Variants in MCTP1 observed in about 807,000 individuals in gnomAD.
The protein encoded by MCTP1 is multiple C2 and transmembrane domain containing 1.
A neutral mutation model predicts 120.6 loss-of-function variants in MCTP1; 69 were observed. That is an observed-to-expected ratio of 0.57 (90% CI 0.47 to 0.70). The LOEUF (loss-of-function observed/expected upper bound fraction) is 0.70. Ranked by LOEUF, MCTP1 falls within the 30% of genes least tolerant of loss-of-function variation. The pLI is 0.00. For missense variants in MCTP1, 1,203 were observed against 1,248.8 expected (o/e 0.96, Z 0.55); for synonymous variants, 529 against 493.1 (o/e 1.07, Z -0.96).
chr5:94,742,367 CTTTT>C (rs1350624298), intron 19 of MCTP1, among the ~76,000 whole-genome samples: 1 of 152,084 alleles, frequency 6.6e-6, no homozygotes, highest in Non-Finnish European at 1.5e-5. Flanking sequence ...GAATGTATAT[CTTTT>C]TATCAGTTTT....
In MCTP1 at chr5:94,779,127, C is replaced by T. The variant is rs199678582; in HGVS notation, c.2593G>A (p.Asp865Asn). The T allele has an allele frequency of 1.9e-6, 3 of 1,612,890 alleles. No individual in the cohort carries two copies. The highest frequency in any genetic ancestry group is 2.5e-6 in the Non-Finnish European group (3 of 1,179,060). ...ATAATTACCTTGTCATCTTTGTCAT[C>T]TTCTTCTTCCTCGTCCTCTAGCATG... ...EDMLEDEEEE[D>N]DKDDKDSEKK... is the part of the protein sequence containing the mutation. Residue 865 changes from aspartate to asparagine, a missense_variant, in exon 19 of 23, where the codon GAT (aspartate) becomes AAT (asparagine). Asp to Asn is a conservative substitution (Grantham distance 23). This residue lies in a region of MCTP1 where 740 missense variants were observed against 871.1 expected (regional missense o/e 0.85). Coordinates refer to ENST00000515393, the MANE Select transcript of MCTP1 (RefSeq NM_024717.7).
intron 19 of MCTP1, among the ~76,000 whole-genome samples, chr5:94,776,717 C>T (rs1237986171): frequency 1.3e-5 from 2 of 152,136 alleles, no homozygotes; most frequent in African/African-American, 4.8e-5. Flanking sequence ...GCAAAGAACA[C>T]ATTTGTTTTC....
chr5:95,077,434 C>A (rs754644750), intron 1 of MCTP1, among the ~76,000 whole-genome samples: 1 of 151,196 alleles, frequency 6.6e-6, no homozygotes, highest in African/African-American at 2.4e-5. Flanking sequence ...ACACATTTAG[C>A]TTTTGAATCA....
At chr5:95,265,649 T>C (rs1238531224) in intron 1 of MCTP1, among the ~76,000 whole-genome samples, 2 of 152,182 alleles carry the variant, frequency 1.3e-5, no homozygotes. Context: ...AATGAGGTCA[T>C]TAAGCCTCTG....
chr5:94,804,628 T>C (rs541186483), intron 17 of MCTP1, among the ~76,000 whole-genome samples: 2 of 152,032 alleles, frequency 1.3e-5, no homozygotes, highest in Non-Finnish European at 2.9e-5. Context: ...TTAGTAGAGA[T>C]GGGGTTTCAC....
rs142948262 is a variant in MCTP1, at chr5:95,040,121, G to A, written c.721-22637C>T. Among the ~76,000 whole-genome samples, 421 of 152,200 alleles carry A rather than the reference G, an allele frequency of 2.8e-3. 1 individual carries two copies. Among genetic ancestry groups the A allele is most frequent in the African/African-American group, 9.7e-3 (405 of 41,540 alleles). ...GCATGTGAGGTCCCCCCTGCCTGCT[G>A]AAATTGTTCTGCTTCTAACAAATTT... On this transcript the variant is annotated intron_variant, in intron 1 of 22. Transcript: ENST00000515393.
intron 1 of MCTP1, among the ~76,000 whole-genome samples, chr5:95,227,787 A>T (rs575067333): frequency 1.3e-5 from 2 of 152,300 alleles, no homozygotes; most frequent in East Asian, 3.9e-4. Context: ...ATGAATTAAC[A>T]AATTGTTGCT....
Position 95,217,848 on chromosome 5 carries a change from A to T in MCTP1, c.720+66008T>A, listed in dbSNP as rs1377715686. On this transcript the variant is annotated intron_variant, in intron 1 of 22. Transcript: ENST00000515393. Reference sequence around the variant, plus strand: ...TTTTGTACTTGAGGCCCCAGAGCACACTTTTGGATTAAAACCTAACTTGTC... The same window carrying T: ...TTTTGTACTTGAGGCCCCAGAGCACTCTTTTGGATTAAAACCTAACTTGTC... Among the ~76,000 whole-genome samples the T allele has an allele frequency of 2.0e-5, 3 of 152,208 alleles. No individual in the cohort carries two copies. The East Asian group carries it at 5.8e-4, about 29-fold the overall frequency.
intron 19 of MCTP1, among the ~76,000 whole-genome samples, chr5:94,748,500 C>T (rs1767462703): frequency 6.6e-6 from 1 of 152,174 alleles, no homozygotes; most frequent in Admixed American, 6.5e-5. Context: ...CAGGACAAAA[C>T]CCATGATTGC....
chr5:95,038,238 C>T, intron 1 of MCTP1: 1 of 339,144 alleles, frequency 2.9e-6, no homozygotes, highest in Non-Finnish European at 4.2e-6. Flanking sequence ...AAGTATCCTT[C>T]AGTGAATATT....
chr5:94,756,820 C>T (rs1580505255), intron 19 of MCTP1, among the ~76,000 whole-genome samples: 1 of 151,968 alleles, frequency 6.6e-6, no homozygotes, highest in Admixed American at 6.6e-5. Context: ...CAAATGTTTA[C>T]TTTTTGTATA....
chr5:94,986,405 T>C (rs295208), intron 2 of MCTP1, among the ~76,000 whole-genome samples: 129,276 of 152,244 alleles, frequency 0.85, 55,123 homozygotes, highest in African/African-American at 0.92. Flanking sequence ...TCAGTCCTCT[T>C]TTCATAATCT....
chr5:95,255,030 T>C (rs1019140645), intron 1 of MCTP1, among the ~76,000 whole-genome samples: 12 of 152,214 alleles, frequency 7.9e-5, no homozygotes, highest in Non-Finnish European at 1.6e-4. Flanking sequence ...GGTTTTCTTG[T>C]ACATGTGTGT....
chr5:94,709,017 C>A (rs1755761719), intron 21 of MCTP1: 1 of 155,674 alleles, frequency 6.4e-6, no homozygotes, highest in South Asian at 2.0e-4. Context: ...AAAGATGCAC[C>A]TTTTTGGAGG....
intron 1 of MCTP1, among the ~76,000 whole-genome samples, chr5:95,245,751 G>T (rs750377220): frequency 2.0e-5 from 3 of 152,102 alleles, no homozygotes; most frequent in Non-Finnish European, 2.9e-5. Context: ...GCTAGAAAAC[G>T]CTCTTCAGGA....
chr5:94,807,904 T>A (rs1389218154), intron 17 of MCTP1, among the ~76,000 whole-genome samples: 1 of 152,188 alleles, frequency 6.6e-6, no homozygotes, highest in African/African-American at 2.4e-5. Flanking sequence ...TATATGTGTA[T>A]ATACAAGTGT....
intron 19 of MCTP1, among the ~76,000 whole-genome samples, chr5:94,723,579 T>C (rs926375180): frequency 2.0e-5 from 3 of 152,082 alleles, no homozygotes; most frequent in East Asian, 1.9e-4. Flanking sequence ...TTGTTTTTGC[T>C]TTTTTGCAGA....
chr5:95,207,060 T>C (rs1326425016), intron 1 of MCTP1, among the ~76,000 whole-genome samples: 2 of 152,180 alleles, frequency 1.3e-5, no homozygotes, highest in African/African-American at 4.8e-5. Flanking sequence ...GTTGTTGTTT[T>C]TACTAATCCT....
chr5:95,106,117 T>A (rs1295457429), intron 1 of MCTP1, among the ~76,000 whole-genome samples: 1 of 152,220 alleles, frequency 6.6e-6, no homozygotes, highest in Non-Finnish European at 1.5e-5. Flanking sequence ...TCTGCTGGTA[T>A]CTTTCTGGGG....
Sources: allele counts gnomAD v4.1 joint callset (sites outside exome capture counted in the v4.1 genomes callset), GRCh38; gene constraint gnomAD v4.1.1; regional missense constraint gnomAD v4.1.1; transcripts MANE v1.5; gene names NCBI Gene and HGNC (gene_info 2026-07-23, HGNC 2026-07-21).